AFF2: variants seen among roughly 807,000 people sequenced by gnomAD.
AFF2 encodes the protein AF4/FMR2 family member 2.
Under a neutral mutation model 76.9 loss-of-function variants are expected in AFF2, and 14 were observed. The ratio of observed to expected loss-of-function variants is 0.18; its 90% CI spans 0.12 to 0.28. The LOEUF (loss-of-function observed/expected upper bound fraction) is 0.28. AFF2 is among the 10% of genes least tolerant of loss of function. The pLI is 1.00. For missense variants in AFF2, 868 were observed against 1,001.1 expected (o/e 0.87, Z 1.79); for synonymous variants, 398 against 366.7 (o/e 1.09, Z -0.98).
chrX:148,515,472 T>C (rs933524922), intron 1 of AFF2, among the ~76,000 whole-genome samples: 8 of 112,389 alleles, frequency 7.1e-5, no homozygotes, highest in African/African-American at 2.6e-4. Context: ...AGGCAATGGA[T>C]AAGCAAGCCT....
intron 1 of AFF2, among the ~76,000 whole-genome samples, chrX:148,644,470 T>C (rs1557255122): frequency 8.9e-6 from 1 of 111,743 alleles, no homozygotes; most frequent in East Asian, 2.8e-4. Flanking sequence ...TTCAGAGTTT[T>C]TGTGAGGATT....
chrX:148,762,409 G>GTA (rs372864201), intron 3 of AFF2, among the ~76,000 whole-genome samples: 31 of 86,671 alleles, frequency 3.6e-4, no homozygotes, highest in East Asian at 2.6e-3. Context: ...GTATTCTATG[G>GTA]TATATATATA....
At chrX:148,589,334 A>C (rs966751902) in intron 1 of AFF2, among the ~76,000 whole-genome samples, 1 of 111,762 alleles carries the variant, frequency 8.9e-6, no homozygotes, top group East Asian at 2.8e-4. Flanking sequence ...TACTACATGC[A>C]GCATTTGGAA....
chrX:148,617,984 A>G (rs1013610900), intron 1 of AFF2, among the ~76,000 whole-genome samples: 1 of 111,578 alleles, frequency 9.0e-6, no homozygotes, highest in Non-Finnish European at 1.9e-5. Context: ...TATATATACA[A>G]TGAACCTTAC....
intron 8 of AFF2, among the ~76,000 whole-genome samples, chrX:148,892,822 T>C (rs1557279923): frequency 9.0e-6 from 1 of 111,677 alleles, no homozygotes; most frequent in African/African-American, 3.3e-5. Flanking sequence ...ACTGAACAAG[T>C]TGTTACCTCC....
intron 3 of AFF2, among the ~76,000 whole-genome samples, chrX:148,698,814 T>G (rs919757386): frequency 9.4e-6 from 1 of 106,690 alleles, no homozygotes. Context: ...TTTTTTTTTT[T>G]TTTCTGTATT....
At chrX:148,707,802 G>A (rs370684455) in intron 3 of AFF2, among the ~76,000 whole-genome samples, 81 of 111,374 alleles carry the variant, frequency 7.3e-4, no homozygotes, top group Non-Finnish European at 1.3e-3. Context: ...CTGTGGCATC[G>A]TGCTTTGTAT....
chrX:148,969,520 C>A (rs2072223064), intron 15 of AFF2, among the ~76,000 whole-genome samples: 1 of 112,089 alleles, frequency 8.9e-6, no homozygotes, highest in Non-Finnish European at 1.9e-5. Context: ...TGTTCACATC[C>A]TCTAATATAC....
chrX:148,604,175 T>C (rs926066886), intron 1 of AFF2, among the ~76,000 whole-genome samples: 2 of 111,931 alleles, frequency 1.8e-5, no homozygotes, highest in African/African-American at 6.5e-5. Flanking sequence ...GGAAGATGGG[T>C]TTACTCAACT....
At chrX:148,951,831 G>A in intron 9 of AFF2, among the ~76,000 whole-genome samples, 1 of 111,842 alleles carries the variant, frequency 8.9e-6, no homozygotes, top group Non-Finnish European at 1.9e-5. Flanking sequence ...CCCACTGCTG[G>A]AGAAAGACAC....
In AFF2 at chrX:148,615,490, C is replaced by T. The variant is rs189052847; in HGVS notation, c.48-36509C>T. Among the ~76,000 whole-genome samples the T allele has an allele frequency of 9.5e-4, 106 of 111,777 alleles. 1 individual carries two copies. In the East Asian group the frequency reaches 0.026, roughly 28 times the overall value. On this transcript the variant is annotated intron_variant, in intron 1 of 20. Transcript: ENST00000370460. ...TATGTGAAATTAAAATGAATAGTTT[C>T]TGATTTTCCCATCTCTTTTCTATTC...
At chrX:148,861,890 T>A (rs1557276437) in intron 7 of AFF2, among the ~76,000 whole-genome samples, 1 of 111,375 alleles carries the variant, frequency 9.0e-6, no homozygotes, top group African/African-American at 3.3e-5. Flanking sequence ...TATTTTTGTA[T>A]TGATAATATG....
At chrX:148,773,693 A>AAGGAAGGAAG (rs2069623596) in intron 3 of AFF2, among the ~76,000 whole-genome samples, 1 of 74,276 alleles carries the variant, frequency 1.3e-5, no homozygotes, top group East Asian at 3.5e-4. Flanking sequence ...AAGGAAAGAA[A>AAGGAAGGAAG]GAAAGAAAGA....
At chrX:148,952,438 C>A (rs782220714) in intron 9 of AFF2, among the ~76,000 whole-genome samples, 3 of 111,512 alleles carry the variant, frequency 2.7e-5, no homozygotes, top group African/African-American at 6.5e-5. Flanking sequence ...AGATGGCAAA[C>A]AGACAAACAG....
chrX:148,921,995 CATT>C (rs1389554578), intron 9 of AFF2, among the ~76,000 whole-genome samples: 3 of 111,563 alleles, frequency 2.7e-5, no homozygotes, highest in Non-Finnish European at 5.6e-5. Context: ...ATTACACAGT[CATT>C]ATAAGTTTTG....
intron 3 of AFF2, among the ~76,000 whole-genome samples, chrX:148,739,088 C>T (rs782204436): frequency 1.4e-4 from 16 of 111,601 alleles, no homozygotes; most frequent in Non-Finnish European, 2.5e-4. Flanking sequence ...AATGCGTATT[C>T]TACAGTTGTT....
At chrX:148,787,462 T>C (rs114483305) in intron 3 of AFF2, among the ~76,000 whole-genome samples, 1,779 of 112,284 alleles carry the variant, frequency 0.016, 45 homozygotes, top group African/African-American at 0.054. Flanking sequence ...CAGAAATGTA[T>C]GTAATTTGTA....
chrX:148,907,582 T>A (rs2071421685), intron 9 of AFF2, among the ~76,000 whole-genome samples: 1 of 110,822 alleles, frequency 9.0e-6, no homozygotes, highest in Admixed American at 9.6e-5. Flanking sequence ...AACCAGCAAG[T>A]TTCTATTAGT....
chrX:148,729,316 A>G (rs929455985), intron 3 of AFF2, among the ~76,000 whole-genome samples: 11 of 111,828 alleles, frequency 9.8e-5, no homozygotes, highest in Admixed American at 9.5e-4. Flanking sequence ...AAGGATGAAA[A>G]TGGCAATGAT....
Sources: gnomAD v4.1 joint callset for allele counts (sites outside exome capture counted in the v4.1 genomes callset) on GRCh38, gnomAD v4.1.1 for gene constraint, MANE v1.5 for transcripts, NCBI Gene and HGNC (gene_info 2026-07-23, HGNC 2026-07-21) for gene names.